GRID2: variants seen among roughly 807,000 people sequenced by gnomAD.
The protein encoded by GRID2 is glutamate receptor ionotropic, delta-2.
GRID2 carries 33 observed loss-of-function variants against 114.8 expected under a neutral mutation model. The ratio of observed to expected loss-of-function variants is 0.29; its 90% confidence interval spans 0.22 to 0.38. The LOEUF (loss-of-function observed/expected upper bound fraction) is 0.38. Ranked by LOEUF, GRID2 falls within the 10% of genes least tolerant of loss-of-function variation. GRID2 has a pLI of 1.00. For synonymous variants in GRID2, 505 were observed against 449.9 expected (o/e 1.12, Z -1.55); for missense variants, 1,184 against 1,257.7 (o/e 0.94, Z 0.89).
chr4:92,505,107 C>T (rs992436984), intron 1 of GRID2, among the ~76,000 whole-genome samples: 2 of 152,028 alleles, frequency 1.3e-5, no homozygotes, highest in Non-Finnish European at 2.9e-5. Context: ...TTTTACACTA[C>T]ATAAACCATA....
At chr4:92,454,017 A>T (rs1721080994) in intron 1 of GRID2, among the ~76,000 whole-genome samples, 2 of 152,168 alleles carry the variant, frequency 1.3e-5, no homozygotes, top group Non-Finnish European at 1.5e-5. Flanking sequence ...ACATAATTAG[A>T]TTTCTCCAAA....
At chr4:93,143,004 G>A (rs918824908) in intron 4 of GRID2, among the ~76,000 whole-genome samples, 13 of 152,236 alleles carry the variant, frequency 8.5e-5, no homozygotes, top group African/African-American at 2.2e-4. Flanking sequence ...TACACAATAG[G>A]TTTGCAACAC....
chr4:92,538,971 G>A (rs1374323759), intron 1 of GRID2, among the ~76,000 whole-genome samples: 1 of 151,500 alleles, frequency 6.6e-6, no homozygotes. Context: ...GAGCCTGGGA[G>A]GCGCAGCTTG....
intron 2 of GRID2, among the ~76,000 whole-genome samples, chr4:93,023,277 T>A (rs761634736): frequency 3.3e-5 from 5 of 151,910 alleles, no homozygotes; most frequent in Non-Finnish European, 5.9e-5. Flanking sequence ...TATGATAGAA[T>A]TTCTCTAGAT....
intron 8 of GRID2, among the ~76,000 whole-genome samples, chr4:93,323,840 T>C (rs1227850218): frequency 6.6e-6 from 1 of 152,184 alleles, no homozygotes; most frequent in East Asian, 1.9e-4. Context: ...ATGATTTGGC[T>C]CTCTGTTTGT....
chr4:93,108,811 A>T (rs1351546760), intron 3 of GRID2, among the ~76,000 whole-genome samples: 1 of 151,868 alleles, frequency 6.6e-6, no homozygotes, highest in Non-Finnish European at 1.5e-5. Flanking sequence ...TCGTATTTTT[A>T]GTAGAGATGG....
intron 3 of GRID2, among the ~76,000 whole-genome samples, chr4:93,106,350 A>G (rs1232292419): frequency 1.3e-5 from 2 of 151,954 alleles, no homozygotes; most frequent in East Asian, 1.9e-4. Flanking sequence ...ACTCTCTTTT[A>G]TTTTTTATTT....
At chr4:92,629,937 TTTATA>T (rs1730717046) in intron 2 of GRID2, among the ~76,000 whole-genome samples, 1 of 148,050 alleles carries the variant, frequency 6.8e-6, no homozygotes, top group Admixed American at 6.8e-5. Context: ...AATTATATAT[TTTATA>T]TTATTATATA....
chr4:93,033,565 G>T (rs1056869923), intron 2 of GRID2, among the ~76,000 whole-genome samples: 2 of 152,102 alleles, frequency 1.3e-5, no homozygotes, highest in African/African-American at 4.8e-5. Context: ...ATCTTAGGAG[G>T]TCTAGCTATA....
chr4:92,432,249 A>G (rs147543659), intron 1 of GRID2, among the ~76,000 whole-genome samples: 1 of 152,194 alleles, frequency 6.6e-6, no homozygotes, highest in Admixed American at 6.5e-5. Flanking sequence ...CTGCCTGGCT[A>G]CTACTGATGG....
chr4:93,771,983 C>T, intron 15 of GRID2, 93 bp from the exon 16 acceptor site: 1 of 727,444 alleles, frequency 1.4e-6, no homozygotes, highest in Non-Finnish European at 2.3e-6. Flanking sequence ...CCCCAAAGTT[C>T]AGTTAATTAC....
At chr4:93,367,847 T>C (rs918009764) in intron 8 of GRID2, among the ~76,000 whole-genome samples, 1 of 152,192 alleles carries the variant, frequency 6.6e-6, no homozygotes, top group African/African-American at 2.4e-5. Context: ...ATGTCACGAT[T>C]GTGAGTGTTG....
At chr4:93,487,479 T>G (rs1189217396) in intron 11 of GRID2, among the ~76,000 whole-genome samples, 1 of 151,906 alleles carries the variant, frequency 6.6e-6, no homozygotes, top group African/African-American at 2.4e-5. Context: ...GGAGTATTTT[T>G]ATTATCATCC....
chr4:92,908,649 A>G (rs1393799913), intron 2 of GRID2, among the ~76,000 whole-genome samples: 1 of 152,082 alleles, frequency 6.6e-6, no homozygotes, highest in African/African-American at 2.4e-5. Context: ...TAGATTCAAA[A>G]TAAATTTTAT....
At chr4:93,126,439 A>G (rs1470706073) in intron 4 of GRID2, among the ~76,000 whole-genome samples, 1 of 151,976 alleles carries the variant, frequency 6.6e-6, no homozygotes, top group Non-Finnish European at 1.5e-5. Context: ...TGAACCAGAT[A>G]ATTTTTGTTG....
At chr4:92,896,058 T>C (rs576637037) in intron 2 of GRID2, among the ~76,000 whole-genome samples, 94 of 152,334 alleles carry the variant, frequency 6.2e-4, no homozygotes, top group African/African-American at 2.2e-3. Flanking sequence ...CTAAAAGCAC[T>C]TTAGTACGTA....
chr4:93,224,560 T>C (rs1745268282), intron 6 of GRID2, 54 bp from the exon 7 acceptor site: 1 of 1,178,166 alleles, frequency 8.5e-7, no homozygotes, highest in South Asian at 1.3e-5. Context: ...TTTTTCCTTA[T>C]TCCTGATGAC....
intron 14 of GRID2, among the ~76,000 whole-genome samples, chr4:93,715,761 T>A (rs543356043): frequency 6.6e-6 from 1 of 152,310 alleles, no homozygotes; most frequent in East Asian, 1.9e-4. Context: ...GGAATGCTAG[T>A]GATTTTTGCA....
At chr4:92,823,821 G>A (rs2149390379) in intron 2 of GRID2, among the ~76,000 whole-genome samples, 1 of 152,200 alleles carries the variant, frequency 6.6e-6, no homozygotes, top group South Asian at 2.1e-4. Flanking sequence ...AGAAGGATGT[G>A]ACTATTTTCC....
Sources: gnomAD v4.1 joint callset for allele counts (sites outside exome capture counted in the v4.1 genomes callset) on GRCh38, gnomAD v4.1.1 for gene constraint, MANE v1.5 for transcripts, NCBI Gene and HGNC (gene_info 2026-07-23, HGNC 2026-07-21) for gene names.